CHLSN: variants seen among roughly 807,000 people sequenced by gnomAD.
CHLSN encodes the protein protein cholesin.
chr7:1,136,868 CCT>C, the CHLSN span, among the ~76,000 whole-genome samples: 15 of 151,954 alleles, frequency 9.9e-5, no homozygotes, highest in African/African-American at 2.7e-4. Flanking sequence ...ATCCATAAAT[CCT>C]CTCTTTCTCA....
the CHLSN span, among the ~76,000 whole-genome samples, chr7:1,033,321 G>A: frequency 1.3e-5 from 2 of 152,208 alleles, no homozygotes; most frequent in East Asian, 3.9e-4. Context: ...ACTTTCGGAG[G>A]CTGAGGCGGG....
chr7:1,041,404 C>CA, the CHLSN span, among the ~76,000 whole-genome samples: 4,576 of 83,932 alleles, frequency 0.055, 503 homozygotes, highest in Admixed American at 0.096. Flanking sequence ...GTCCGCGCTG[C>CA]GGGGAACGGG....
chr7:981,662 C>T, the CHLSN span, among the ~76,000 whole-genome samples: 12 of 151,986 alleles, frequency 7.9e-5, no homozygotes, highest in Non-Finnish European at 1.5e-4. Flanking sequence ...TGCAGTGAGC[C>T]GAGATCACGC....
chr7:1,078,357 G>T, the CHLSN span, among the ~76,000 whole-genome samples: 25 of 152,110 alleles, frequency 1.6e-4, no homozygotes, highest in East Asian at 5.8e-4. Context: ...GGTGGGGGGG[G>T]GCTCAGGCAC....
At chr7:1,129,551 TC>T in the CHLSN span, among the ~76,000 whole-genome samples, 27 of 152,200 alleles carry the variant, frequency 1.8e-4, no homozygotes, top group Admixed American at 6.5e-4. Context: ...GCTCAAGCCA[TC>T]CTCCCACCTC....
the CHLSN span, among the ~76,000 whole-genome samples, chr7:1,032,492 C>G: frequency 3.3e-5 from 5 of 151,772 alleles, no homozygotes; most frequent in East Asian, 9.7e-4. Flanking sequence ...CAGTGGCCCT[C>G]AGAGGCCGCA....
chr7:1,079,493 G>A, the CHLSN span, among the ~76,000 whole-genome samples: 4 of 152,186 alleles, frequency 2.6e-5, no homozygotes, highest in African/African-American at 7.2e-5. Context: ...AGACGGTTTC[G>A]TGAGCTACCA....
the CHLSN span, among the ~76,000 whole-genome samples, chr7:1,108,361 C>T: frequency 4.6e-5 from 4 of 87,246 alleles, no homozygotes; most frequent in African/African-American, 1.5e-4. Context: ...TGTCCCGCAC[C>T]CCGGGGGGAA....
chr7:981,997 G>A, the CHLSN span, among the ~76,000 whole-genome samples: 2 of 152,184 alleles, frequency 1.3e-5, no homozygotes, highest in African/African-American at 4.8e-5. Flanking sequence ...TCACAGCACG[G>A]TAATCCAGCC....
the CHLSN span, among the ~76,000 whole-genome samples, chr7:1,007,689 G>A: frequency 6.6e-6 from 1 of 152,198 alleles, no homozygotes; most frequent in Non-Finnish European, 1.5e-5. Flanking sequence ...TTTCTGAGAA[G>A]TAAGAGTCCC....
At chr7:1,080,434 G>C in the CHLSN span, among the ~76,000 whole-genome samples, 1 of 152,174 alleles carries the variant, frequency 6.6e-6, no homozygotes, top group Non-Finnish European at 1.5e-5. Flanking sequence ...AGCCAGGCTC[G>C]GAGGCTGCAC....
the CHLSN span, among the ~76,000 whole-genome samples, chr7:1,016,181 ACACGCCAGCACACAGCAGCG>A: frequency 1.5e-4 from 8 of 52,386 alleles, no homozygotes; most frequent in African/African-American, 7.6e-4. Flanking sequence ...ACACAGCAGC[ACACGCCAGCACACAGCAGCG>A]CACGCCAGCA....
chr7:1,057,511 C>T, the CHLSN span: 1 of 763,352 alleles, frequency 1.3e-6, no homozygotes, highest in Non-Finnish European at 2.4e-6. Context: ...GCCTCGCCGG[C>T]CGCCATGTGG....
the CHLSN span, chr7:1,057,694 C>A: frequency 9.0e-6 from 7 of 774,230 alleles, no homozygotes; most frequent in Non-Finnish European, 9.6e-6. Context: ...GCCAGCATGA[C>A]CATGCCGGAC....
the CHLSN span, among the ~76,000 whole-genome samples, chr7:1,098,124 C>T: frequency 1.3e-5 from 2 of 152,206 alleles, no homozygotes; most frequent in African/African-American, 4.8e-5. Flanking sequence ...AACAATGCCT[C>T]TTAGGAAGCC....
the CHLSN span, among the ~76,000 whole-genome samples, chr7:1,048,036 C>G: frequency 1.2e-5 from 1 of 81,418 alleles, no homozygotes; most frequent in Non-Finnish European, 2.3e-5. Context: ...CAGGCTTAAC[C>G]CAGCAAAGAC....
At chr7:984,356 C>T in the CHLSN span, 4 of 1,467,418 alleles carry the variant, frequency 2.7e-6, no homozygotes, top group South Asian at 3.7e-5. Flanking sequence ...CTGAGGGGAC[C>T]TAAGGGGGGT....
the CHLSN span, among the ~76,000 whole-genome samples, chr7:981,903 C>G: frequency 1.3e-5 from 2 of 151,696 alleles, no homozygotes; most frequent in African/African-American, 4.9e-5. Flanking sequence ...CTGGGTGGTG[C>G]ATGCCTGTAG....
the CHLSN span, among the ~76,000 whole-genome samples, chr7:1,023,730 G>C: frequency 6.6e-6 from 1 of 151,724 alleles, no homozygotes; most frequent in East Asian, 1.9e-4. This position sits in a 1 kb window ranked among gnomAD's most constrained non-coding sequence, Gnocchi z 5.0. Flanking sequence ...TCGTTCTACA[G>C]AGAAGGGGTG....
Sources: gnomAD v4.1 joint callset for allele counts (sites outside exome capture counted in the v4.1 genomes callset) on GRCh38, gnomAD v4.1.1 for gene constraint, Gnocchi (gnomAD v3.1) non-coding constraint, MANE v1.5 for transcripts, NCBI Gene and HGNC (gene_info 2026-07-23, HGNC 2026-07-21) for gene names.